Variants in SLC44A4 observed in about 807,000 individuals in gnomAD.
The protein encoded by SLC44A4 is solute carrier family 44 member 4.
A neutral mutation model predicts 97.0 loss-of-function variants in SLC44A4; 74 were observed. The observed-to-expected ratio is 0.76, with a 90% CI of 0.63 to 0.93. The LOEUF (loss-of-function observed/expected upper bound fraction) is 0.93, where lower values mean the gene tolerates loss of function less well. Ranked by LOEUF, SLC44A4 falls within the 40% of genes least tolerant of loss-of-function variation. SLC44A4 has a pLI of 0.00. For synonymous variants in SLC44A4, 325 were observed against 363.8 expected (o/e 0.89, Z 1.21); for missense variants, 799 against 902.9 (o/e 0.88, Z 1.48).
intron 11 of SLC44A4, among the ~76,000 whole-genome samples, chr6:31,870,003 G>C (rs915463366): frequency 1.3e-5 from 2 of 151,984 alleles, no homozygotes; most frequent in Admixed American, 6.5e-5. Context: ...AAAAAGGGGG[G>C]GGCTGACCCC....
At position 31,874,788 on chromosome 6, in the gene SLC44A4, T is replaced by G. The variant is rs1581853320; in HGVS notation, c.401A>C (p.Gln134Pro). 2 of 1,614,056 alleles carry G rather than the reference T, an allele frequency of 1.2e-6. No individual in the cohort carries two copies. Among genetic ancestry groups the G allele is most frequent in the East Asian group, 4.5e-5 (2 of 44,882 alleles). Residue 134 changes from glutamine (Q) to proline (P), a missense_variant, in exon 6 of 21, where the codon CAG (glutamine) becomes CCG (proline). Physicochemically the swap from Gln to Pro is moderately conservative, Grantham distance 76. Coordinates refer to ENST00000229729, the MANE Select transcript of SLC44A4 (RefSeq NM_025257.3). The surrounding 1 kb of genome is among the most constrained non-coding windows in gnomAD (Gnocchi z 4.8). Reference sequence around the variant, plus strand: ...TGTATAGAAGACTTCCCCAACAGTCTGTGAGAACTCGTTTTTTCCCACAGT... The same window carrying G: ...TGTATAGAAGACTTCCCCAACAGTCGGTGAGAACTCGTTTTTTCCCACAGT... Reference protein sequence around the residue: ...PWTVGKNEFSQTVGEVFYTKN... With the variant: ...PWTVGKNEFSPTVGEVFYTKN...
rs747601195 is a variant in SLC44A4, at chr6:31,864,798, G to C, written c.1926+18C>G. On this transcript the variant is annotated intron_variant, in intron 19 of 20. Transcript: ENST00000229729. Reference sequence around the variant, plus strand: ...CTGGGGAGTTGGGGGTGGAGCAGCAGAGAGGGGAGTCACTCACCATGATGG... The same window carrying C: ...CTGGGGAGTTGGGGGTGGAGCAGCACAGAGGGGAGTCACTCACCATGATGG... 1 of 1,613,866 alleles carries C rather than the reference G, an allele frequency of 6.2e-7. No homozygotes were observed. The highest frequency in any genetic ancestry group is 8.5e-7 in the Non-Finnish European group (1 of 1,179,796).
rs888164238 is a variant in SLC44A4 at position 31,877,215 on chromosome 6, G to A, written c.41-133C>T. 1 of 901,128 alleles carries A rather than the reference G, an allele frequency of 1.1e-6. No homozygotes were observed. The highest frequency in any genetic ancestry group is 1.7e-5 in the South Asian group (1 of 59,630). The allele number at this position is 901,128 out of a possible 1,614,324, so 55.8% of individuals were successfully genotyped here. ...GAGATGGGCTAGGGCAGGACTGGCA[G>A]GAGGGGAAAACTGGGGAGCAGGAAA... On this transcript the variant is annotated intron_variant, in intron 1 of 20. Coordinates refer to ENST00000229729, the MANE Select transcript of SLC44A4 (RefSeq NM_025257.3). The surrounding 1 kb of genome is among the most constrained non-coding windows in gnomAD (Gnocchi z 6.5).
At position 31,865,312 on chromosome 6, in the gene SLC44A4, A is replaced by G. The variant is rs1762790027; in HGVS notation, c.1760+3T>C. On this transcript the variant is annotated splice_donor_region_variant and intron_variant, in intron 17 of 20. Coordinates refer to ENST00000229729, the MANE Select transcript of SLC44A4 (RefSeq NM_025257.3). This position sits in a 1 kb window ranked among gnomAD's most constrained non-coding sequence, Gnocchi z 5.2. ...CCACAAAGCGGGGGGGGAGCAGCCT[A>G]ACCTGACAATGTTTCGCATGAGTAG... is the stretch of plus-strand genomic sequence containing the variant. The G allele has an allele frequency of 6.2e-7, 1 of 1,613,952 alleles. No homozygotes were observed. The highest frequency in any genetic ancestry group is 1.3e-5 in the African/African-American group (1 of 75,000).
intron 20 of SLC44A4, chr6:31,864,339 G>A (rs1019434898): frequency 4.2e-6 from 2 of 476,290 alleles, no homozygotes; most frequent in Admixed American, 7.0e-5. Flanking sequence ...GTCCCCCAAA[G>A]TGCTGGCATG....
Position 31,870,974 on chromosome 6 carries a change from G to A in SLC44A4, c.775C>T (p.Leu259=), listed in dbSNP as rs1253494039. ...CCCAGCACTCCCAGGATCAGCACCA[G>A]CACCAGGGGCCCAGCCACCAGGCGC... ...LLRLVAGPLV[L]VLILGVLGVL... is the part of the protein sequence containing the mutation. The change falls in exon 10 of 21, where the codon CTG becomes TTG. Residue 259 remains leucine, a synonymous_variant. Coordinates refer to ENST00000229729, the MANE Select transcript of SLC44A4 (RefSeq NM_025257.3). 6.2e-7 allele frequency: 1 copy of A among 1,612,996 alleles called. No individual in the cohort carries two copies. The highest frequency in any genetic ancestry group is 8.5e-7 in the Non-Finnish European group (1 of 1,180,004).
At chr6:31,872,867 T>C (rs1763247038) in intron 7 of SLC44A4, among the ~76,000 whole-genome samples, 2 of 150,976 alleles carry the variant, frequency 1.3e-5, no homozygotes, top group Admixed American at 1.3e-4. Context: ...TATCTCATCT[T>C]ATGCTATAAA....
In SLC44A4 at chr6:31,865,628, G is replaced by A; in HGVS notation, c.1583-27C>T. 2 of 1,610,052 alleles carry A rather than the reference G, an allele frequency of 1.2e-6. No individual in the cohort carries two copies. The highest frequency in any genetic ancestry group is 1.7e-6 in the Non-Finnish European group (2 of 1,177,340). On this transcript the variant is annotated intron_variant, in intron 15 of 20. Coordinates refer to ENST00000229729, the MANE Select transcript of SLC44A4 (RefSeq NM_025257.3). This position sits in a 1 kb window ranked among gnomAD's most constrained non-coding sequence, Gnocchi z 5.2. ...TGGGAGCGAGGAAGGCTCATGTTTGGTCACTGCCCCTCCCTAATGGCCTTC... is the reference window on the plus strand; with the variant it reads ...TGGGAGCGAGGAAGGCTCATGTTTGATCACTGCCCCTCCCTAATGGCCTTC...
Position 31,863,553 on chromosome 6 carries a change from A to T in SLC44A4, c.*74T>A. 6.5e-7 allele frequency: 1 copy of T among 1,529,676 alleles called. No homozygotes were observed. Among genetic ancestry groups the T allele is most frequent in the Non-Finnish European group, 8.8e-7 (1 of 1,141,456 alleles). 94.8% of individuals were successfully genotyped at this position (1,529,676 alleles called of 1,614,324 possible). A position where few individuals can be genotyped will look rare whatever the true frequency, so the allele number is the denominator to read the frequency against. On this transcript the variant is annotated 3_prime_UTR_variant, in exon 21 of 21. Transcript: ENST00000229729. ...AACCTTTTTTTACCACAAAATGGAG[A>T]CCTGTAAGGCGAAGTGAGGTTGGAT...
intron 7 of SLC44A4, among the ~76,000 whole-genome samples, chr6:31,873,967 G>A (rs752523752): frequency 3.9e-5 from 6 of 151,960 alleles, no homozygotes; most frequent in Non-Finnish European, 7.4e-5. Context: ...AAAATTAGCC[G>A]GGCGTGGTGG....
rs1226244164 is a variant in SLC44A4, at chr6:31,865,327, C to T, written c.1748G>A (p.Arg583Gln). 5 of 1,613,970 alleles carry T rather than the reference C, an allele frequency of 3.1e-6. No individual in the cohort carries two copies. The highest frequency in any genetic ancestry group is 2.2e-5 in the South Asian group (2 of 91,078). Residue 583 changes from arginine to glutamine, a missense_variant, in exon 17 of 21, where the codon CGA (arginine) becomes CAA (glutamine). Arg to Gln is a conservative substitution (Grantham distance 43). Transcript: ENST00000229729. The surrounding 1 kb of genome is among the most constrained non-coding windows in gnomAD (Gnocchi z 5.2). ...SAKNAFMLLMRNIVRVVVLDK... is the reference protein window; with the variant it reads ...SAKNAFMLLMQNIVRVVVLDK... ...GGAGCAGCCTAACCTGACAATGTTT[C>T]GCATGAGTAGCATGAACGCATTTTT...
Position 31,865,295 on chromosome 6 carries a change from C to CG in SLC44A4, c.1760+19dup, listed in dbSNP as rs546801718. 3,568 of 1,608,764 alleles carry CG rather than the reference C, an allele frequency of 2.2e-3. 17 individuals are homozygous for CG. Among genetic ancestry groups the CG allele is most frequent in the African/African-American group, 0.014 (1,005 of 74,402 alleles). ...GAGATCAGAGGAGGGAGCCACAAAGCGGGGGGGGAGCAGCCTAACCTGACA... is the reference window on the plus strand; with the variant it reads ...GAGATCAGAGGAGGGAGCCACAAAGCGGGGGGGGGAGCAGCCTAACCTGACA... On this transcript the variant is annotated intron_variant, in intron 17 of 20. Coordinates refer to ENST00000229729, the MANE Select transcript of SLC44A4 (RefSeq NM_025257.3). This position sits in a 1 kb window ranked among gnomAD's most constrained non-coding sequence, Gnocchi z 5.2.
chr6:31,874,739 T>TG lies in SLC44A4; in HGVS notation c.449dup (p.Gly151ArgfsTer48), dbSNP rs1366267099. 37 of 1,612,694 alleles carry TG rather than the reference T, an allele frequency of 2.3e-5. No individual in the cohort carries two copies. The highest frequency in any genetic ancestry group is 3.1e-5 in the Non-Finnish European group (36 of 1,179,362). The stretch of plus-strand genomic sequence containing the variant: ...TATTCACCATATTCCAGGGTACCCC[T>TG]GGCAGACAAAAGTTCCTGTTTTTTG... On this transcript the variant is annotated frameshift_variant, in exon 6 of 21. Coordinates refer to ENST00000229729, the MANE Select transcript of SLC44A4 (RefSeq NM_025257.3). LOFTEE classifies it high-confidence loss of function. The surrounding 1 kb of genome is among the most constrained non-coding windows in gnomAD (Gnocchi z 4.8).
rs1763135734 is a variant in SLC44A4 at position 31,870,933 on chromosome 6, G to A, written c.816C>T (p.Gly272=). The A allele has an allele frequency of 6.2e-7, 1 of 1,613,060 alleles. No individual in the cohort carries two copies. The highest frequency in any genetic ancestry group is 8.5e-7 in the Non-Finnish European group (1 of 1,180,002). ...ILGVLGVLAY[G]IYYCWEEYRV... is the part of the protein sequence containing the mutation. ...GGTACTCCTCCCAGCAGTAGTAGAT[G>A]CCGTATGCCAGCACGCCCAGCACTC... The change falls in exon 10 of 21, where the codon GGC becomes GGT. Residue 272 remains glycine (G), a synonymous_variant. Coordinates refer to ENST00000229729, the MANE Select transcript of SLC44A4 (RefSeq NM_025257.3).
rs1274269209 is a variant in SLC44A4 at position 31,871,514 on chromosome 6, G to T, written c.577C>A (p.Pro193Thr). The T allele has an allele frequency of 6.2e-7, 1 of 1,613,922 alleles. No individual in the cohort carries two copies. The highest frequency in any genetic ancestry group is 1.7e-5 in the Admixed American group (1 of 60,006). The change falls in exon 8 of 21, where the codon CCA (proline) becomes ACA (threonine). Residue 193 changes from proline (P) to threonine (T), a missense_variant. By Grantham distance (38) the Pro-to-Thr change is conservative. Coordinates refer to ENST00000229729, the MANE Select transcript of SLC44A4 (RefSeq NM_025257.3). ...PWTNVTPPAL[P>T]GITNDTTIQQ... ...ATGGTGGTGTCATTGGTGATCCCTG[G>T]GAGCGCCGGTGGAGTAACGTTGGTC... is the stretch of plus-strand genomic sequence containing the variant.
At position 31,865,525 on chromosome 6, in the gene SLC44A4, C is replaced by A. The variant is rs776111648; in HGVS notation, c.1659G>T (p.Lys553Asn). The change falls in exon 16 of 21, where the codon AAG becomes AAT. Residue 553 changes from lysine to asparagine, a missense_variant. Around this residue, in one of 3 missense-constraint regions of SLC44A4, gnomAD observed 379 missense variants for 438.3 expected, o/e 0.86. Coordinates refer to ENST00000229729, the MANE Select transcript of SLC44A4 (RefSeq NM_025257.3). The surrounding 1 kb of genome is among the most constrained non-coding windows in gnomAD (Gnocchi z 5.2). ...CCLWCLEKFI[K>N]FLNRNAYIMI... ...TGATGTATGCATTGCGGTTTAGGAA[C>A]TTGATAAATTTTTCCAGACACCAGA... 4.4e-6 allele frequency: 7 copies of A among 1,601,332 alleles called. 1 individual carries two copies. In the South Asian group the frequency reaches 6.6e-5, roughly 15 times the overall value.
In SLC44A4 at chr6:31,871,511, C is replaced by T; in HGVS notation, c.580G>A (p.Gly194Arg). The part of the protein sequence containing the change: ...WTNVTPPALP[G>R]ITNDTTIQQG... ...TGTATGGTGGTGTCATTGGTGATCC[C>T]TGGGAGCGCCGGTGGAGTAACGTTG... The change falls in exon 8 of 21, where the codon GGG (glycine) becomes AGG (arginine). Residue 194 changes from glycine (G) to arginine (R), a missense_variant. Gly to Arg is a moderately radical substitution (Grantham distance 125). Transcript: ENST00000229729. 6.2e-7 allele frequency: 1 copy of T among 1,613,934 alleles called. No individual in the cohort carries two copies. Among genetic ancestry groups the T allele is most frequent in the Non-Finnish European group, 8.5e-7 (1 of 1,179,902 alleles).
chr6:31,870,081 C>A (rs1763077513), intron 11 of SLC44A4, among the ~76,000 whole-genome samples: 1 of 152,186 alleles, frequency 6.6e-6, no homozygotes, highest in Non-Finnish European at 1.5e-5. Flanking sequence ...CATTGTCTTT[C>A]ATATCTGTGT....
chr6:31,864,397 G>A, intron 20 of SLC44A4: 2 of 577,884 alleles, frequency 3.5e-6, no homozygotes, highest in Non-Finnish European at 3.1e-6. Flanking sequence ...ACTTCTACCC[G>A]AGATTTCTTA....
Sources: gnomAD v4.1 joint callset for allele counts (sites outside exome capture counted in the v4.1 genomes callset) on GRCh38, gnomAD v4.1.1 for gene constraint, gnomAD v4.1.1 regional missense constraint, Gnocchi (gnomAD v3.1) non-coding constraint, MANE v1.5 for transcripts, NCBI Gene and HGNC (gene_info 2026-07-23, HGNC 2026-07-21) for gene names.